The following CUBN variants were observed in gnomAD, a reference collection of about 807,000 sequenced individuals.
The protein encoded by CUBN is 460 kDa receptor.
A neutral mutation model predicts 405.3 loss-of-function variants in CUBN; 282 were observed. The ratio of observed to expected loss-of-function variants is 0.70; its 90% CI spans 0.63 to 0.77. The LOEUF (loss-of-function observed/expected upper bound fraction) is 0.77. Among genes scored for constraint, CUBN ranks in the 30% least tolerant of loss-of-function variants. The pLI is 0.00. For missense variants in CUBN, 4,514 were observed against 4,475.2 expected, an observed-to-expected ratio of 1.01 and a Z score of -0.25; for synonymous variants, 1,684 against 1,617.0, an observed-to-expected ratio of 1.04 and a Z score of -0.99.
chr10:17,124,078 C>G (rs1588659100), intron 4 of CUBN, among the ~76,000 whole-genome samples: 1 of 152,162 alleles, frequency 6.6e-6, no homozygotes, highest in Non-Finnish European at 1.5e-5. Flanking sequence ...AATGGAGATT[C>G]CGGTTATTTT....
intron 6 of CUBN, among the ~76,000 whole-genome samples, chr10:17,118,792 C>T (rs2131318177): frequency 6.6e-6 from 1 of 152,254 alleles, no homozygotes; most frequent in African/African-American, 2.4e-5. Context: ...TTCAAGGTGT[C>T]TTGATATGGC....
At chr10:17,094,407 T>C (rs955782033) in intron 14 of CUBN, among the ~76,000 whole-genome samples, 5 of 152,066 alleles carry the variant, frequency 3.3e-5, no homozygotes, top group African/African-American at 7.2e-5. Context: ...GTGAGAAATA[T>C]TAAAATATGT....
intron 3 of CUBN, among the ~76,000 whole-genome samples, chr10:17,127,116 A>G (rs1333656593): frequency 6.6e-6 from 1 of 152,062 alleles, no homozygotes; most frequent in South Asian, 2.1e-4. Flanking sequence ...CACTTCCCCA[A>G]TAAGAAGATT....
chr10:17,114,266 C>T, intron 7 of CUBN, 77 bp from the exon 8 acceptor site: 2 of 1,432,418 alleles, frequency 1.4e-6, no homozygotes, highest in Non-Finnish European at 1.9e-6. Flanking sequence ...TTCATCAAGC[C>T]CCTAACTGTT....
intron 23 of CUBN, among the ~76,000 whole-genome samples, chr10:17,046,961 C>G (rs192619092): frequency 2.5e-4 from 38 of 152,268 alleles, no homozygotes; most frequent in Admixed American, 2.3e-3. Context: ...CTGAAATTCA[C>G]AAGCCTAGAC....
intron 5 of CUBN, among the ~76,000 whole-genome samples, chr10:17,123,203 T>A (rs1353622718): frequency 1.3e-5 from 2 of 152,136 alleles, no homozygotes; most frequent in African/African-American, 4.8e-5. Flanking sequence ...CTTTTTTTTT[T>A]ATGTGCATGC....
chr10:16,927,555 A>G (rs1842227453), intron 41 of CUBN, among the ~76,000 whole-genome samples: 2 of 152,300 alleles, frequency 1.3e-5, no homozygotes, highest in South Asian at 4.1e-4. Flanking sequence ...AAAACATGAG[A>G]GTCTTTCACT....
chr10:16,847,533 G>GT (rs1297134357), intron 60 of CUBN, among the ~76,000 whole-genome samples: 1 of 152,146 alleles, frequency 6.6e-6, no homozygotes, highest in African/African-American at 2.4e-5. Context: ...TTAAATGTAT[G>GT]TTTTTTGTTT....
chr10:16,851,476 C>A, intron 59 of CUBN, 33 bp from the exon 60 acceptor site: 1 of 1,577,642 alleles, frequency 6.3e-7, no homozygotes, highest in Non-Finnish European at 8.7e-7. Context: ...CTATGCAGAC[C>A]AAACAGAACC....
At chr10:16,826,700 C>A (rs1468798865) in intron 66 of CUBN, among the ~76,000 whole-genome samples, 1 of 152,154 alleles carries the variant, frequency 6.6e-6, no homozygotes, top group African/African-American at 2.4e-5. Flanking sequence ...TTCAACTTAA[C>A]GTGGCATTGG....
intron 28 of CUBN, among the ~76,000 whole-genome samples, chr10:17,007,604 A>T (rs1834062644): frequency 1.4e-5 from 2 of 143,244 alleles, no homozygotes; most frequent in African/African-American, 2.5e-5. Context: ...CGTACTGCAC[A>T]GTTTAGAAAA....
intron 27 of CUBN, among the ~76,000 whole-genome samples, chr10:17,039,863 A>G (rs1834978144): frequency 6.6e-6 from 1 of 152,232 alleles, no homozygotes; most frequent in Non-Finnish European, 1.5e-5. Flanking sequence ...CCAAAAAATT[A>G]TCTCTGAAAA....
rs1171743110 is a variant in CUBN, at chr10:16,905,484, C to T, written c.7912+719G>A. ...TATATTGCAAAACTTCTTTTAACTC[C>T]TAAGGCCTCAGGAGAATTTCACAGC... On this transcript the variant is annotated intron_variant, in intron 50 of 66. Coordinates refer to ENST00000377833, the MANE Select transcript of CUBN (RefSeq NM_001081.4). Among the ~76,000 whole-genome samples, 6 of 152,228 alleles carry T rather than the reference C, an allele frequency of 3.9e-5. No homozygotes were observed. In the South Asian group the frequency reaches 1.2e-3, roughly 32 times the overall value.
chr10:17,071,754 A>G, intron 18 of CUBN, 73 bp downstream of exon 18: 1 of 1,554,276 alleles, frequency 6.4e-7, no homozygotes, highest in Non-Finnish European at 8.8e-7. Flanking sequence ...ACATAAAATG[A>G]CTAAATTATT....
intron 28 of CUBN, among the ~76,000 whole-genome samples, chr10:16,992,491 C>T (rs1052643880): frequency 2.6e-5 from 4 of 152,322 alleles, no homozygotes; most frequent in Admixed American, 1.3e-4. Flanking sequence ...TAAAGTAAGA[C>T]ACCAAGTCTG....
intron 37 of CUBN, 141 bp from the exon 38 acceptor site, chr10:16,939,288 C>G: frequency 1.4e-6 from 1 of 735,986 alleles, no homozygotes; most frequent in Non-Finnish European, 2.4e-6. Flanking sequence ...GAAAGAAATA[C>G]TGCCTCCTTT....
At chr10:17,026,186 G>A (rs1338000351) in intron 27 of CUBN, among the ~76,000 whole-genome samples, 1 of 152,154 alleles carries the variant, frequency 6.6e-6, no homozygotes, top group East Asian at 1.9e-4. Flanking sequence ...CAGGATCTGT[G>A]GAGAGGCCTC....
chr10:16,831,529 A>G (rs1838994058), intron 64 of CUBN, 112 bp from the exon 65 acceptor site: 5 of 1,007,268 alleles, frequency 5.0e-6, no homozygotes, highest in South Asian at 2.6e-5. Context: ...TTGTCTTTTT[A>G]TACAGTTAAG....
At chr10:16,868,452 C>T (rs1840250640) in intron 59 of CUBN, among the ~76,000 whole-genome samples, 1 of 152,148 alleles carries the variant, frequency 6.6e-6, no homozygotes, top group Non-Finnish European at 1.5e-5. Flanking sequence ...TTTTCTGAGT[C>T]TTCACAGAGT....
Sources: allele counts gnomAD v4.1 joint callset (sites outside exome capture counted in the v4.1 genomes callset), GRCh38; gene constraint gnomAD v4.1.1; transcripts MANE v1.5; gene names NCBI Gene and HGNC (gene_info 2026-07-23, HGNC 2026-07-21).